Variants in TTC23L observed in about 807,000 individuals in gnomAD.
TTC23L encodes the protein tetratricopeptide repeat protein 23-like.
A neutral mutation model predicts 48.1 loss-of-function variants in TTC23L; 42 were observed. The ratio of observed to expected loss-of-function variants is 0.87; its 90% CI spans 0.68 to 1.13. The LOEUF (loss-of-function observed/expected upper bound fraction) is 1.13. Among genes scored for constraint, TTC23L ranks in the 50% most tolerant of loss-of-function variants. The probability of loss-of-function intolerance (pLI) is 0.00; values close to 1 mark genes in which losing one functional copy is unlikely to be tolerated. For synonymous variants in TTC23L, 159 were observed against 157.2 expected, an observed-to-expected ratio of 1.01 and a Z score of -0.09; for missense variants, 391 against 421.0, an observed-to-expected ratio of 0.93 and a Z score of 0.62.
At chr5:34,899,665 C>G (rs1474427447), downstream of TTC23L, among the ~76,000 whole-genome samples, 2 of 152,024 alleles carry the variant, frequency 1.3e-5, no homozygotes, top group Non-Finnish European at 2.9e-5. Flanking sequence ...CCGAGGCAGG[C>G]CAATCATGAA....
chr5:34,853,643 C>T (rs1759871955), intron 4 of TTC23L, among the ~76,000 whole-genome samples: 2 of 152,046 alleles, frequency 1.3e-5, no homozygotes, highest in Non-Finnish European at 2.9e-5. Context: ...CTCAGGAGGA[C>T]CCGTGTCATC....
At chr5:34,853,605 A>C (rs1412806536) in intron 4 of TTC23L, among the ~76,000 whole-genome samples, 1 of 152,122 alleles carries the variant, frequency 6.6e-6, no homozygotes, top group Non-Finnish European at 1.5e-5. Flanking sequence ...GGGTAGGGTA[A>C]AGGGGGGCCA....
At chr5:34,897,410 ATT>A (rs1209622686) in intron 10 of TTC23L, among the ~76,000 whole-genome samples, 6 of 150,924 alleles carry the variant, frequency 4.0e-5, no homozygotes, top group Middle Eastern at 3.4e-3. Context: ...AAAATTAAAC[ATT>A]AAAAAAAATA....
At chr5:34,846,150 A>C (rs1759110237) in intron 3 of TTC23L, among the ~76,000 whole-genome samples, 1 of 152,114 alleles carries the variant, frequency 6.6e-6, no homozygotes, top group African/African-American at 2.4e-5. Flanking sequence ...GTGCAACTGC[A>C]CTCCAGCCTG....
chr5:34,911,425 G>C, the TTC23L span: 2 of 1,128,510 alleles, frequency 1.8e-6, no homozygotes, highest in African/African-American at 1.6e-5. Flanking sequence ...TGAGGTAAGA[G>C]TACAAGCTGT....
At chr5:34,890,340 G>A (rs1418878130) in intron 9 of TTC23L, among the ~76,000 whole-genome samples, 1 of 150,784 alleles carries the variant, frequency 6.6e-6, no homozygotes, top group Non-Finnish European at 1.5e-5. Context: ...AGCTACTTGG[G>A]AGGCTGAGGT....
At chr5:34,896,347 G>A (rs1164022554) in intron 9 of TTC23L, among the ~76,000 whole-genome samples, 2 of 152,172 alleles carry the variant, frequency 1.3e-5, no homozygotes, top group African/African-American at 2.4e-5. Context: ...AGTGTTGTCT[G>A]CCCTGGGGTA....
chr5:34,878,583 T>G (rs770265644), intron 8 of TTC23L, among the ~76,000 whole-genome samples: 1 of 152,184 alleles, frequency 6.6e-6, no homozygotes, highest in East Asian at 1.9e-4. Context: ...GGACTAACAC[T>G]ACCCAACTTC....
At chr5:34,905,239 A>G in the TTC23L span, 2 of 152,214 alleles carry the variant, frequency 1.3e-5, no homozygotes, top group Non-Finnish European at 2.9e-5. Flanking sequence ...TTGGGAAAAG[A>G]AAAAATACTA....
At chr5:34,878,978 TGTG>T (rs1652878079) in intron 8 of TTC23L, among the ~76,000 whole-genome samples, 1 of 152,100 alleles carries the variant, frequency 6.6e-6, no homozygotes, top group Non-Finnish European at 1.5e-5. Context: ...ATAAAGAAAA[TGTG>T]GTACATATAC....
At chr5:34,914,893 C>T in the TTC23L span, 1 of 1,614,082 alleles carries the variant, frequency 6.2e-7, no homozygotes, top group Non-Finnish European at 8.5e-7. Flanking sequence ...GAAGGGGCAT[C>T]GTCCACTGCG....
At chr5:34,922,574 T>G in the TTC23L span, 1 of 1,609,538 alleles carries the variant, frequency 6.2e-7, no homozygotes, top group Non-Finnish European at 8.5e-7. Context: ...TCTGCTAAAT[T>G]CCTTGTTCAA....
Position 34,866,932 on chromosome 5 carries a change from T to C in TTC23L, c.703T>C (p.Tyr235His), listed in dbSNP as rs377681182. The C allele has an allele frequency of 3.1e-6, 5 of 1,609,158 alleles. No homozygotes were observed. The highest frequency in any genetic ancestry group is 2.2e-5 in the East Asian group (1 of 44,720). The change falls in exon 7 of 11, where the codon TAC (tyrosine) becomes CAC (histidine). Residue 235 changes from tyrosine to histidine, a missense_variant. Coordinates refer to ENST00000505624, the Ensembl canonical transcript of TTC23L. ...CCACAGACTGAACCTAGCTCTGGCATACTTTGAAAAGGCAATTGGCGATGT... is the reference window on the plus strand; with the variant it reads ...CCACAGACTGAACCTAGCTCTGGCACACTTTGAAAAGGCAATTGGCGATGT...
At chr5:34,925,658 A>G in the TTC23L span, 1 of 597,854 alleles carries the variant, frequency 1.7e-6, no homozygotes, top group Non-Finnish European at 2.7e-6. Context: ...TTCTAAATAA[A>G]ATATCACCAG....
downstream of TTC23L, among the ~76,000 whole-genome samples, chr5:34,901,239 C>T (rs1407679307): frequency 9.2e-5 from 14 of 151,542 alleles, no homozygotes; most frequent in Non-Finnish European, 2.9e-5. Context: ...AAAAAAACTT[C>T]CAATGTATTT....
chr5:34,918,596 T>A, the TTC23L span: 1 of 538,698 alleles, frequency 1.9e-6, no homozygotes, highest in Non-Finnish European at 3.2e-6. Flanking sequence ...ACAATGCCTT[T>A]TATCCTTTCA....
chr5:34,854,302 AGTGGAGC>A (rs1759941774), intron 4 of TTC23L, among the ~76,000 whole-genome samples: 1 of 152,212 alleles, frequency 6.6e-6, no homozygotes, highest in South Asian at 2.1e-4. Flanking sequence ...CACATGGTAT[AGTGGAGC>A]CTAGACTTGA....
the TTC23L span, chr5:34,922,714 G>A: frequency 2.1e-4 from 343 of 1,613,988 alleles, no homozygotes; most frequent in African/African-American, 4.0e-3. Context: ...TCGCTGAACT[G>A]AAGATGACTG....
chr5:34,850,294 A>T lies in TTC23L; in HGVS notation c.365A>T (p.Tyr122Phe), dbSNP rs750358132. ...GCTCTGGCCAACCTAGCTTATGGCT[A>T]CTTGACACTGAGAGGTACTTGGTTT... The change falls in exon 4 of 11, where the codon TAC (tyrosine) becomes TTC (phenylalanine). Residue 122 changes from tyrosine to phenylalanine, a missense_variant. Transcript: ENST00000505624. The T allele has an allele frequency of 6.2e-7, 1 of 1,613,662 alleles. No individual in the cohort carries two copies.
Sources: allele counts gnomAD v4.1 joint callset (sites outside exome capture counted in the v4.1 genomes callset), GRCh38; gene constraint gnomAD v4.1.1; transcripts MANE v1.5; gene names NCBI Gene and HGNC (gene_info 2026-07-23, HGNC 2026-07-21).